The following PCDHGA5 variants were observed in gnomAD, a reference collection of about 807,000 sequenced individuals.
PCDHGA5 encodes the protein protocadherin gamma-A5.
PCDHGA5 carries 36 observed loss-of-function variants against 56.7 expected under a neutral mutation model. That is an observed-to-expected ratio of 0.64 (90% confidence interval 0.49 to 0.84). The LOEUF is 0.84. Among genes scored for constraint, PCDHGA5 ranks in the 40% least tolerant of loss-of-function variants. The probability of loss-of-function intolerance (pLI) is 0.00; values close to 1 mark genes in which losing one functional copy is unlikely to be tolerated. For synonymous variants in PCDHGA5, 563 were observed against 520.2 expected (o/e 1.08, Z -1.12); for missense variants, 1,305 against 1,201.5 (o/e 1.09, Z -1.27).
At chr5:141,403,430 C>A in intron 1 of PCDHGA5, 1 of 1,614,022 alleles carries the variant, frequency 6.2e-7, no homozygotes, top group Non-Finnish European at 8.5e-7. Flanking sequence ...AGCTATTGAT[C>A]CGGATGTTGG....
chr5:141,455,401 A>G (rs1252870027), intron 1 of PCDHGA5, among the ~76,000 whole-genome samples: 1 of 152,158 alleles, frequency 6.6e-6, no homozygotes, highest in Non-Finnish European at 1.5e-5. Context: ...TCCCCCTTAC[A>G]GAGACAGAGG....
intron 2 of PCDHGA5, among the ~76,000 whole-genome samples, chr5:141,496,353 C>T (rs761547879): frequency 4.6e-5 from 7 of 152,210 alleles, no homozygotes; most frequent in Non-Finnish European, 8.8e-5. Context: ...AGTCTCAGAG[C>T]CCAGGGAGAG....
At chr5:141,403,776 G>A (rs1312851147) in intron 1 of PCDHGA5, 1 of 1,613,926 alleles carries the variant, frequency 6.2e-7, no homozygotes, top group East Asian at 2.2e-5. Flanking sequence ...GGAATCAACG[G>A]AAAAGTGGCA....
intron 1 of PCDHGA5, chr5:141,408,288 T>C (rs755091342): frequency 6.2e-7 from 1 of 1,613,234 alleles, no homozygotes; most frequent in Non-Finnish European, 8.5e-7. Context: ...TACCCCACCC[T>C]GAGTGAGCCG....
intron 1 of PCDHGA5, chr5:141,410,320 C>A (rs752279818): frequency 6.2e-7 from 1 of 1,613,998 alleles, no homozygotes; most frequent in Non-Finnish European, 8.5e-7. Context: ...TCCTCCTCGC[C>A]GTGATTCTGG....
At chr5:141,446,020 T>C (rs1226676321) in intron 1 of PCDHGA5, among the ~76,000 whole-genome samples, 1 of 152,180 alleles carries the variant, frequency 6.6e-6, no homozygotes, top group African/African-American at 2.4e-5. Context: ...ACTATGGCAA[T>C]ATTCCTGGTA....
intron 1 of PCDHGA5, chr5:141,428,217 C>A: frequency 8.3e-7 from 1 of 1,211,998 alleles, no homozygotes; most frequent in Non-Finnish European, 1.2e-6. Context: ...TTCACCTAGT[C>A]TTCGCAGACA....
chr5:141,399,886 G>T, intron 1 of PCDHGA5: 1 of 1,612,706 alleles, frequency 6.2e-7, no homozygotes, highest in Non-Finnish European at 8.5e-7. Flanking sequence ...GGTGACCAAG[G>T]TAGTGGCCGT....
intron 1 of PCDHGA5, among the ~76,000 whole-genome samples, chr5:141,467,332 C>T (rs985838492): frequency 6.6e-6 from 1 of 152,124 alleles, no homozygotes; most frequent in Non-Finnish European, 1.5e-5. Context: ...GGATTAGAGA[C>T]GTAAGCCACT....
chr5:141,417,942 C>A (rs1324501154), intron 1 of PCDHGA5: 19 of 1,613,208 alleles, frequency 1.2e-5, no homozygotes, highest in Non-Finnish European at 1.5e-5. Flanking sequence ...TTCTACCCCA[C>A]GCTGTGTGAG....
intron 1 of PCDHGA5, among the ~76,000 whole-genome samples, chr5:141,483,057 C>T (rs1329609397): frequency 6.6e-6 from 1 of 152,028 alleles, no homozygotes; most frequent in African/African-American, 2.4e-5. Flanking sequence ...TGCACTCCAG[C>T]ATGGGCAACA....
chr5:141,375,235 T>C (rs1335648205), intron 1 of PCDHGA5: 1 of 1,613,872 alleles, frequency 6.2e-7, no homozygotes, highest in Non-Finnish European at 8.5e-7. Flanking sequence ...TGGTAACCTG[T>C]TCCATCCCGA....
intron 1 of PCDHGA5, chr5:141,370,305 G>A: frequency 2.5e-6 from 3 of 1,206,280 alleles, no homozygotes; most frequent in South Asian, 3.3e-5. Context: ...CAAAGACAAA[G>A]CAAATAGTTG....
intron 1 of PCDHGA5, chr5:141,478,106 G>T: frequency 6.2e-7 from 1 of 1,614,046 alleles, no homozygotes; most frequent in Non-Finnish European, 8.5e-7. Flanking sequence ...TACCCTCACT[G>T]TGTCAGTAAC....
At chr5:141,412,936 A>T in intron 1 of PCDHGA5, 1 of 459,508 alleles carries the variant, frequency 2.2e-6, no homozygotes, top group African/African-American at 2.0e-5. Flanking sequence ...ACTTCTTAGG[A>T]CTCTGAGCGC....
intron 1 of PCDHGA5, among the ~76,000 whole-genome samples, chr5:141,386,156 G>A (rs3806832): frequency 0.081 from 12,379 of 152,152 alleles, 653 homozygotes; most frequent in African/African-American, 0.15. Context: ...ACTGTCTCAC[G>A]TACTCAAACC....
intron 1 of PCDHGA5, chr5:141,419,487 G>T: frequency 6.2e-7 from 1 of 1,612,378 alleles, no homozygotes. Context: ...CCCGCGCTCA[G>T]CGCCAATGTG....
chr5:141,439,172 G>A (rs1181712838), intron 1 of PCDHGA5, among the ~76,000 whole-genome samples: 1 of 147,496 alleles, frequency 6.8e-6, no homozygotes, highest in Admixed American at 6.8e-5. Context: ...CAGCCTGGGC[G>A]ACATAGTGAG....
rs1317717658 is a variant in PCDHGA5, at chr5:141,476,494, G to A, written c.2422-18313G>A. On this transcript the variant is annotated intron_variant, in intron 1 of 3. Coordinates refer to ENST00000518069, the MANE Select transcript of PCDHGA5 (RefSeq NM_018918.3). The surrounding 1 kb of genome is among the most constrained non-coding windows in gnomAD (Gnocchi z 7.6). ...TGTTCAGCGTGGAAGTGGTGATCCA[G>A]GACATCAACGACAACAATCCTGCTT... The A allele has an allele frequency of 6.2e-7, 1 of 1,614,012 alleles. No individual in the cohort carries two copies. The highest frequency in any genetic ancestry group is 8.5e-7 in the Non-Finnish European group (1 of 1,179,988).
Sources: allele counts gnomAD v4.1 joint callset (sites outside exome capture counted in the v4.1 genomes callset), GRCh38; gene constraint gnomAD v4.1.1; non-coding constraint Gnocchi (gnomAD v3.1); transcripts MANE v1.5; gene names NCBI Gene and HGNC (gene_info 2026-07-23, HGNC 2026-07-21).